Variants in RBM19 observed in about 807,000 individuals in gnomAD.
RBM19 encodes the protein RNA binding motif protein 19, also known as probable RNA-binding protein 19.
Under a neutral mutation model 116.8 loss-of-function variants are expected in RBM19, and 94 were observed. That is an observed-to-expected ratio of 0.80 (90% CI 0.68 to 0.95). RBM19 has a LOEUF of 0.95. Among genes scored for constraint, RBM19 ranks in the 40% least tolerant of loss-of-function variants. The pLI is 0.00. For synonymous variants in RBM19, 475 were observed against 494.1 expected (o/e 0.96, Z 0.51); for missense variants, 1,161 against 1,220.7 (o/e 0.95, Z 0.73).
chr12:113,948,863 C>T lies in RBM19; in HGVS notation c.1246G>A (p.Glu416Lys), dbSNP rs1283740535. 10 of 1,614,090 alleles carry T rather than the reference C, an allele frequency of 6.2e-6. No individual in the cohort carries two copies. Among genetic ancestry groups the T allele is most frequent in the Non-Finnish European group, 8.5e-6 (10 of 1,180,046 alleles). The stretch of plus-strand genomic sequence containing the variant: ...TTGGAGAAGAGCTTCTCCAGATCCT[C>T]CTCGGTGCTGGTGTAGGGCAGGTTC... ...VRNLPYTSTE[E>K]DLEKLFSKYG... The change falls in exon 10 of 24, where the codon GAG (glutamate) becomes AAG (lysine). Residue 416 changes from glutamate (E) to lysine (K), a missense_variant. By Grantham distance (56) the Glu-to-Lys change is moderately conservative. Transcript: ENST00000261741.
chr12:113,936,165 A>AT (rs113778258), intron 16 of RBM19, among the ~76,000 whole-genome samples: 9 of 151,856 alleles, frequency 5.9e-5, no homozygotes, highest in Non-Finnish European at 8.8e-5. Context: ...ACTTATTATT[A>AT]TTTTTTTTAA....
chr12:113,884,298 TACAC>T (rs56150788), intron 21 of RBM19, among the ~76,000 whole-genome samples: 22,759 of 137,192 alleles, frequency 0.17, 2,091 homozygotes, highest in Middle Eastern at 0.23. Context: ...AAAAAAAGTA[TACAC>T]ACACACACAC....
At chr12:113,855,644 C>A (rs1877836140) in intron 22 of RBM19, among the ~76,000 whole-genome samples, 1 of 152,122 alleles carries the variant, frequency 6.6e-6, no homozygotes, top group Non-Finnish European at 1.5e-5. Flanking sequence ...TGCACAGGAG[C>A]CGGCCCTGAG....
intron 22 of RBM19, among the ~76,000 whole-genome samples, chr12:113,854,508 G>T (rs979230530): frequency 6.6e-6 from 1 of 152,026 alleles, no homozygotes; most frequent in Non-Finnish European, 1.5e-5. Flanking sequence ...CTCCACATGT[G>T]GGGAAGGCTC....
At position 113,946,418 on chromosome 12, in the gene RBM19, T is replaced by A. The variant is rs1328850469; in HGVS notation, c.1465A>T (p.Ser489Cys). ...TTGTAGGACGACGATCCCAGGGCAC[T>A]GGCATCCTCGCTGGCTTCCTTCTTG... Reference protein sequence around the residue: ...TIKKEASEDASALGSSSYKKK... With the variant: ...TIKKEASEDACALGSSSYKKK... The change falls in exon 12 of 24, where the codon AGT becomes TGT. Residue 489 changes from serine (S) to cysteine (C), a missense_variant. Transcript: ENST00000261741. 1 of 1,614,024 alleles carries A rather than the reference T, an allele frequency of 6.2e-7. No individual in the cohort carries two copies. The highest frequency in any genetic ancestry group is 8.5e-7 in the Non-Finnish European group (1 of 1,180,022).
chr12:113,889,385 G>A (rs191243081), intron 21 of RBM19, among the ~76,000 whole-genome samples: 1 of 152,330 alleles, frequency 6.6e-6, no homozygotes, highest in East Asian at 1.9e-4. Context: ...GAATGTGGGA[G>A]CTGCACTCTG....
rs990638504 is a variant in RBM19 at position 113,825,043 on chromosome 12, G to A, written c.2786-1722C>T. On this transcript the variant is annotated intron_variant, in intron 23 of 23. Transcript: ENST00000261741. The surrounding 1 kb of genome is among the most constrained non-coding windows in gnomAD (Gnocchi z 5.7). The stretch of plus-strand genomic sequence containing the variant: ...GAGCTCCAATGCCACCCCACCCCCT[G>A]GCACTTTTTATTACCCACACTGCCG... Among the ~76,000 whole-genome samples the A allele has an allele frequency of 3.3e-5, 5 of 152,254 alleles. No homozygotes were observed. In the East Asian group the frequency reaches 5.8e-4, roughly 18 times the overall value.
At chr12:113,949,945 C>T in intron 9 of RBM19, 138 bp downstream of exon 9, 3 of 757,362 alleles carry the variant, frequency 4.0e-6, no homozygotes, top group Non-Finnish European at 6.4e-6. Context: ...TGCCATGTCC[C>T]CAGTGCCTAG....
chr12:113,865,234 C>CTTTG (rs1307036659), intron 21 of RBM19, among the ~76,000 whole-genome samples: 1 of 152,162 alleles, frequency 6.6e-6, no homozygotes, highest in Non-Finnish European at 1.5e-5. Context: ...ACCTCAGGGC[C>CTTTG]TTTGCACTTG....
intron 23 of RBM19, among the ~76,000 whole-genome samples, chr12:113,835,642 A>C (rs1875812226): frequency 6.6e-6 from 1 of 152,164 alleles, no homozygotes. Flanking sequence ...CCGGCGACCC[A>C]TGGGGACAGC....
chr12:113,838,393 C>A (rs1876150245), intron 23 of RBM19, among the ~76,000 whole-genome samples: 1 of 152,102 alleles, frequency 6.6e-6, no homozygotes, highest in African/African-American at 2.4e-5. Flanking sequence ...CATGCAAACT[C>A]CATGGGGAGA....
chr12:113,962,420 A>G lies in RBM19; in HGVS notation c.37-6T>C. On this transcript the variant is annotated splice_polypyrimidine_tract_variant and splice_region_variant and intron_variant, in intron 1 of 23. Coordinates refer to ENST00000261741, the MANE Select transcript of RBM19 (RefSeq NM_016196.4). ...CTGAAACGCTCCTCCTTCATCTAGGACAGAGGGAAAGGAATGAGAGACGAA... is the reference window on the plus strand; with the variant it reads ...CTGAAACGCTCCTCCTTCATCTAGGGCAGAGGGAAAGGAATGAGAGACGAA... 1 of 1,611,710 alleles carries G rather than the reference A, an allele frequency of 6.2e-7. No individual in the cohort carries two copies. The highest frequency in any genetic ancestry group is 1.1e-5 in the South Asian group (1 of 91,024).
chr12:113,936,276 T>A (rs1870054238), intron 16 of RBM19, among the ~76,000 whole-genome samples: 1 of 152,224 alleles, frequency 6.6e-6, no homozygotes, highest in South Asian at 2.1e-4. Context: ...CTGGATAGAA[T>A]GACCATGGTC....
chr12:113,819,524 T>G (rs1197116104), downstream of RBM19, among the ~76,000 whole-genome samples: 2 of 151,964 alleles, frequency 1.3e-5, no homozygotes, highest in Non-Finnish European at 2.9e-5. Context: ...CCTGGAGGAG[T>G]GCTCCCTCCT....
chr12:113,863,362 T>C (rs1478366910), intron 21 of RBM19, among the ~76,000 whole-genome samples: 2 of 151,988 alleles, frequency 1.3e-5, no homozygotes, highest in East Asian at 3.9e-4. Flanking sequence ...TGGGTCTCTC[T>C]CTCCCTCCCT....
At chr12:113,933,710 T>C (rs1394598606) in intron 16 of RBM19, among the ~76,000 whole-genome samples, 2 of 152,332 alleles carry the variant, frequency 1.3e-5, no homozygotes, top group South Asian at 2.1e-4. Context: ...CACAGCATGC[T>C]ATCTCCGTGA....
chr12:113,926,252 C>T (rs757234841), intron 17 of RBM19, among the ~76,000 whole-genome samples: 10 of 152,266 alleles, frequency 6.6e-5, no homozygotes, highest in East Asian at 1.9e-4. Flanking sequence ...ACCCCATGAT[C>T]GAATTTTAGG....
At chr12:113,823,402 A>G (rs1275047113) in intron 23 of RBM19, 81 bp from the exon 24 acceptor site, 1 of 1,217,718 alleles carries the variant, frequency 8.2e-7, no homozygotes, top group African/African-American at 1.5e-5. Context: ...TGACAGAGGA[A>G]GGAGGGAGAG....
intron 1 of RBM19, among the ~76,000 whole-genome samples, chr12:113,964,047 G>A (rs749081559): frequency 1.3e-5 from 2 of 152,196 alleles, no homozygotes; most frequent in Non-Finnish European, 2.9e-5. Context: ...ACCTTGCATC[G>A]TAATGATCTG....
Sources: gnomAD v4.1 joint callset for allele counts (sites outside exome capture counted in the v4.1 genomes callset) on GRCh38, gnomAD v4.1.1 for gene constraint, Gnocchi (gnomAD v3.1) non-coding constraint, MANE v1.5 for transcripts, NCBI Gene and HGNC (gene_info 2026-07-23, HGNC 2026-07-21) for gene names.